The following JPH3 variants were observed in gnomAD, a reference collection of about 807,000 sequenced individuals.
JPH3 encodes junctophilin-3.
Under a neutral mutation model 59.6 loss-of-function variants are expected in JPH3, and 11 were observed. The ratio of observed to expected loss-of-function variants is 0.18; its 90% CI spans 0.12 to 0.31. The LOEUF is 0.31. Among genes scored for constraint, JPH3 ranks in the 10% least tolerant of loss-of-function variants. The pLI, the probability that JPH3 is intolerant of heterozygous loss-of-function variation, is 1.00. For missense variants in JPH3, 1,202 were observed against 1,105.7 expected, an observed-to-expected ratio of 1.09 and a Z score of -1.24; for synonymous variants, 673 against 483.6, an observed-to-expected ratio of 1.39 and a Z score of -5.14.
intron 2 of JPH3, among the ~76,000 whole-genome samples, chr16:87,653,070 G>T (rs549426310): frequency 1.1e-4 from 17 of 152,094 alleles, no homozygotes; most frequent in East Asian, 7.7e-4. Context: ...CAGTGCCTGC[G>T]GGGGGGACTA....
At chr16:87,640,353 C>G (rs76893415) in intron 1 of JPH3, among the ~76,000 whole-genome samples, 7 of 151,256 alleles carry the variant, frequency 4.6e-5, no homozygotes, top group African/African-American at 1.7e-4. Flanking sequence ...GTCCGGTTAC[C>G]TGTGCATGCC....
In JPH3 at chr16:87,684,135, C is replaced by A; in HGVS notation, c.1161-7C>A. The A allele has an allele frequency of 6.2e-7, 1 of 1,612,772 alleles. No individual in the cohort carries two copies. The highest frequency in any genetic ancestry group is 8.5e-7 in the Non-Finnish European group (1 of 1,179,422). ...CCCCCCCTCACGCTCCTCCCTGTCTCCCCCAGGACCTCCCACTCTCGGGCA... is the reference window on the plus strand; with the variant it reads ...CCCCCCCTCACGCTCCTCCCTGTCTACCCCAGGACCTCCCACTCTCGGGCA... On this transcript the variant is annotated splice_polypyrimidine_tract_variant and splice_region_variant and intron_variant, in intron 2 of 4. Transcript: ENST00000284262.
At position 87,677,217 on chromosome 16, in the gene JPH3, CACACACACAAAAAA is replaced by C. The variant is rs1421742244; in HGVS notation, c.1161-6923_1161-6910del. 1.2e-4 allele frequency among the ~76,000 whole-genome samples: 15 copies of C among 122,412 alleles called. 2 individuals are homozygous for C. Among genetic ancestry groups the C allele is most frequent in the African/African-American group, 4.0e-4 (11 of 27,650 alleles). The allele number at this position is 122,412 out of a possible 152,430, so 80.3% of individuals were successfully genotyped here. A position where few individuals can be genotyped will look rare whatever the true frequency, so the allele number is the denominator to read the frequency against. On this transcript the variant is annotated intron_variant, in intron 2 of 4. Transcript: ENST00000284262. ...ACACACACACACACACACACACACACACACACACAAAAAAAAAAATTAGCCGGGTGTGGTGGGCG... is the reference window on the plus strand; with the variant it reads ...ACACACACACACACACACACACACACAAAAATTAGCCGGGTGTGGTGGGCG...
chr16:87,655,167 G>A (rs568679364), intron 2 of JPH3, among the ~76,000 whole-genome samples: 176 of 152,286 alleles, frequency 1.2e-3, no homozygotes, highest in African/African-American at 4.1e-3. Flanking sequence ...TGGGAGAGCC[G>A]AGTCTGCCGC....
chr16:87,629,583 C>T (rs1018091334), intron 1 of JPH3, among the ~76,000 whole-genome samples: 2 of 149,912 alleles, frequency 1.3e-5, no homozygotes, highest in African/African-American at 4.9e-5. Context: ...GGGATAAGCC[C>T]GTGTGAAGAG....
At position 87,612,599 on chromosome 16, in the gene JPH3, C is replaced by T. The variant is rs553133982; in HGVS notation, c.382+9071C>T. Among the ~76,000 whole-genome samples, 6 of 152,288 alleles carry T rather than the reference C, an allele frequency of 3.9e-5. No individual in the cohort carries two copies. The East Asian group carries it at 9.6e-4, about 24-fold the overall frequency. ...CATCCAAGACCACTGACACTGGAAA[C>T]TTTAAGGCGGGGGTCTCAGCCTGAG... is the stretch of plus-strand genomic sequence containing the variant. On this transcript the variant is annotated intron_variant, in intron 1 of 4. Transcript: ENST00000284262.
At chr16:87,610,787 G>C (rs2030702543) in intron 1 of JPH3, among the ~76,000 whole-genome samples, 1 of 152,172 alleles carries the variant, frequency 6.6e-6, no homozygotes, top group African/African-American at 2.4e-5. Flanking sequence ...TGAATGCAGT[G>C]AATAATGGAG....
intron 2 of JPH3, among the ~76,000 whole-genome samples, chr16:87,666,912 G>A (rs1022708584): frequency 4.6e-5 from 7 of 152,330 alleles, no homozygotes; most frequent in East Asian, 1.9e-4. Context: ...AACCCAGGCC[G>A]TCGGCTCCTG....
At chr16:87,695,232 A>G (rs548716020) in intron 4 of JPH3, 192 of 442,378 alleles carry the variant, frequency 4.3e-4, no homozygotes, top group Admixed American at 5.9e-4. Flanking sequence ...CTGGTGCCAC[A>G]TGAGCTACTC....
intron 2 of JPH3, among the ~76,000 whole-genome samples, chr16:87,682,599 C>G (rs1314358975): frequency 6.6e-6 from 1 of 152,220 alleles, no homozygotes; most frequent in Admixed American, 6.5e-5. Flanking sequence ...GACACCAAAT[C>G]TGCTGGCACC....
At chr16:87,667,110 G>C (rs529950836) in intron 2 of JPH3, among the ~76,000 whole-genome samples, 1 of 152,358 alleles carries the variant, frequency 6.6e-6, no homozygotes, top group South Asian at 2.1e-4. Context: ...TCTGGGGGCT[G>C]CCGGCCTCCC....
intron 1 of JPH3, among the ~76,000 whole-genome samples, chr16:87,630,312 G>C (rs1376767388): frequency 6.6e-6 from 1 of 152,194 alleles, no homozygotes; most frequent in African/African-American, 2.4e-5. Context: ...TTTGGCCTCT[G>C]GCATGTCCAC....
chr16:87,697,038 T>C lies in JPH3; in HGVS notation c.*378T>C, dbSNP rs1055073174. 1.4e-5 allele frequency: 4 copies of C among 283,944 alleles called. No homozygotes were observed. The highest frequency in any genetic ancestry group is 4.5e-5 in the Admixed American group (1 of 22,090). The allele number at this position is 283,944 out of a possible 1,614,324, so 17.6% of individuals were successfully genotyped here. A position where few individuals can be genotyped will look rare whatever the true frequency, so the allele number is the denominator to read the frequency against. ...ATGGAGGGCAGCCCGGGGCAGAGCCTCAGCCCCGCGGCCCCTGAGTGGCAG... is the reference window on the plus strand; with the variant it reads ...ATGGAGGGCAGCCCGGGGCAGAGCCCCAGCCCCGCGGCCCCTGAGTGGCAG... On this transcript the variant is annotated 3_prime_UTR_variant, in exon 5 of 5. Coordinates refer to ENST00000284262, the MANE Select transcript of JPH3 (RefSeq NM_020655.4).
At chr16:87,666,279 G>C (rs567391122) in intron 2 of JPH3, among the ~76,000 whole-genome samples, 7 of 152,024 alleles carry the variant, frequency 4.6e-5, no homozygotes, top group African/African-American at 1.7e-4. Flanking sequence ...AGTAGAGACA[G>C]GGTTTCATCA....
rs541868913 is a variant in JPH3 at position 87,617,471 on chromosome 16, G to A, written c.382+13943G>A. Among the ~76,000 whole-genome samples, 9 of 152,192 alleles carry A rather than the reference G, an allele frequency of 5.9e-5. No homozygotes were observed. The South Asian group carries it at 8.3e-4, about 14-fold the overall frequency. ...ATGCCAGGAGAGCTGGTGCTGGGCC[G>A]TGTGGAAGTTGTATGGCTGAGTTCA... On this transcript the variant is annotated intron_variant, in intron 1 of 4. Coordinates refer to ENST00000284262, the MANE Select transcript of JPH3 (RefSeq NM_020655.4).
chr16:87,631,574 G>A (rs1158900788), intron 1 of JPH3, among the ~76,000 whole-genome samples: 1 of 152,122 alleles, frequency 6.6e-6, no homozygotes, highest in East Asian at 1.9e-4. Context: ...TTGGTTGGGT[G>A]TCTCTCCCCT....
rs1385779379 is a variant in JPH3 at position 87,690,167 on chromosome 16, C to A, written c.1807C>A (p.Leu603Met). Residue 603 changes from leucine to methionine, a missense_variant, in exon 4 of 5, where the codon CTG becomes ATG. Leu to Met is a conservative substitution (Grantham distance 15). Coordinates refer to ENST00000284262, the MANE Select transcript of JPH3 (RefSeq NM_020655.4). ...CCCCGGAGGCTCCAGGCTGCTGGAG[C>A]TGCAGGAGGAGAAGCTGAGCAACTA... ...HSPGGSRLLELQEEKLSNYRM... is the reference protein window; with the variant it reads ...HSPGGSRLLEMQEEKLSNYRM... 2 of 1,599,228 alleles carry A rather than the reference C, an allele frequency of 1.3e-6. No individual in the cohort carries two copies. The highest frequency in any genetic ancestry group is 1.7e-6 in the Non-Finnish European group (2 of 1,173,386).
intron 4 of JPH3, chr16:87,695,604 G>A (rs1215888154): frequency 1.1e-5 from 5 of 455,870 alleles, no homozygotes; most frequent in Non-Finnish European, 2.2e-5. Flanking sequence ...GGGTGTCCCA[G>A]CCATTCCTGG....
intron 2 of JPH3, among the ~76,000 whole-genome samples, chr16:87,647,010 G>A (rs1453740614): frequency 6.6e-6 from 1 of 152,192 alleles, no homozygotes; most frequent in Non-Finnish European, 1.5e-5. Flanking sequence ...GCACAGGTGA[G>A]GAGCTGCTCC....
Sources: gnomAD v4.1 joint callset for allele counts (sites outside exome capture counted in the v4.1 genomes callset) on GRCh38, gnomAD v4.1.1 for gene constraint, MANE v1.5 for transcripts, NCBI Gene and HGNC (gene_info 2026-07-23, HGNC 2026-07-21) for gene names.